Variants in TNP2 observed in about 807,000 individuals in gnomAD.
The protein encoded by TNP2 is transition protein 2.
A neutral mutation model predicts 8.5 loss-of-function variants in TNP2; 10 were observed. The ratio of observed to expected loss-of-function variants is 1.17; its 90% confidence interval spans 0.72 to 1.99. TNP2 has a LOEUF of 1.99. Among genes scored for constraint, TNP2 ranks in the 30% most tolerant of loss-of-function variants. The pLI is 0.00. For missense variants in TNP2, 222 were observed against 181.2 expected, an observed-to-expected ratio of 1.23 and a Z score of -1.29; for synonymous variants, 80 against 62.3, an observed-to-expected ratio of 1.28 and a Z score of -1.34.
Position 11,268,899 on chromosome 16 carries a change from T to C in TNP2, c.364A>G (p.Ile122Val), listed in dbSNP as rs1244174205. 5 of 1,603,520 alleles carry C rather than the reference T, an allele frequency of 3.1e-6. No homozygotes were observed. Among genetic ancestry groups the C allele is most frequent in the Middle Eastern group, 1.7e-4 (1 of 5,980 alleles). Residue 122 changes from isoleucine (I) to valine (V), a missense_variant, in exon 1 of 2, where the codon ATC becomes GTC. Transcript: ENST00000312693. ...KLKKKKMAKR[I>V]QQVYKTKTRS... ...GTCTTGGTTTTGTACACCTGCTGGA[T>C]CCTCTTGGCCATTTTTTTCTTTTTC...
intron 1 of TNP2, 164 bp downstream of exon 1, chr16:11,268,673 AATTTCAAAGAGACTTTCCGTCAATGT>A: frequency 1.7e-6 from 1 of 578,506 alleles, no homozygotes; most frequent in South Asian, 3.2e-5. Context: ...CAACCCATCC[AATTTCAAAGAGACTTTCCGTCAATGT>A]ATCATACATT....
At chr16:11,268,831 C>T (rs915797897) in intron 1 of TNP2, 32 bp downstream of exon 1, 17 of 1,519,924 alleles carry the variant, frequency 1.1e-5, no homozygotes, top group African/African-American at 2.8e-5. Flanking sequence ...TCTGTGGGCT[C>T]GGTGGCCCTT....
intron 1 of TNP2, chr16:11,268,259 T>C (rs974321132): frequency 4.2e-6 from 2 of 477,926 alleles, no homozygotes; most frequent in African/African-American, 3.9e-5. Flanking sequence ...TCAACATTTC[T>C]TTCCCATTCT....
intron 1 of TNP2, chr16:11,268,594 A>G (rs1182884311): frequency 4.5e-6 from 2 of 442,704 alleles, no homozygotes; most frequent in South Asian, 7.1e-5. Context: ...TCATCCACCC[A>G]ACCTCTCAAC....
At position 11,269,084 on chromosome 16, in the gene TNP2, G is replaced by C. The variant is rs2069751013; in HGVS notation, c.179C>G (p.Thr60Ser). 6.2e-7 allele frequency: 1 copy of C among 1,614,014 alleles called. No individual in the cohort carries two copies. The highest frequency in any genetic ancestry group is 8.5e-7 in the Non-Finnish European group (1 of 1,179,892). ...SQSPASHRNP[T>S]GAHSSSGHQS... The stretch of plus-strand genomic sequence containing the variant: ...GTGGCCGGATGAGCTGTGGGCTCCA[G>C]TTGGGTTGCGGTGGCTGGCCGGGCT... Residue 60 changes from threonine to serine, a missense_variant, in exon 1 of 2, where the codon ACT becomes AGT. Physicochemically the swap from Thr to Ser is moderately conservative, Grantham distance 58 (BLOSUM62 1). Transcript: ENST00000312693.
At position 11,269,143 on chromosome 16, in the gene TNP2, G is replaced by A; in HGVS notation, c.120C>T (p.Ser40=). 6.2e-7 allele frequency: 1 copy of A among 1,613,926 alleles called. No homozygotes were observed. ...CQTFSQSCRQ[S]HRGSRSQSSS... is the part of the protein sequence containing the mutation. ...AGCTCTGGCTCCGGCTGCCACGATG[G>A]CTCTGTCTGCAACTCTGGCTGAAGG... Residue 40 remains serine, a synonymous_variant, in exon 1 of 2, where the codon AGC becomes AGT. Coordinates refer to ENST00000312693, the MANE Select transcript of TNP2 (RefSeq NM_005425.5).
chr16:11,269,150 C>G lies in TNP2; in HGVS notation c.113G>C (p.Arg38Thr). 1 of 1,613,940 alleles carries G rather than the reference C, an allele frequency of 6.2e-7. No homozygotes were observed. Among genetic ancestry groups the G allele is most frequent in the South Asian group, 1.1e-5 (1 of 91,084 alleles). The stretch of plus-strand genomic sequence containing the variant: ...GCTCCGGCTGCCACGATGGCTCTGT[C>G]TGCAACTCTGGCTGAAGGTTTGGCA... ...RHCQTFSQSCRQSHRGSRSQS... is the reference protein window; with the variant it reads ...RHCQTFSQSCTQSHRGSRSQS... Residue 38 changes from arginine to threonine, a missense_variant, in exon 1 of 2, where the codon AGA becomes ACA. By Grantham distance (71) the Arg-to-Thr change is moderately conservative. Transcript: ENST00000312693.
intron 1 of TNP2, chr16:11,268,318 C>G: frequency 3.0e-6 from 1 of 331,808 alleles, no homozygotes; most frequent in Non-Finnish European, 5.6e-6. Context: ...TTCAATTACT[C>G]TATATTACTC....
At chr16:11,268,304 T>C in intron 1 of TNP2, 1 of 386,456 alleles carries the variant, frequency 2.6e-6, no homozygotes, top group Non-Finnish European at 4.7e-6. Flanking sequence ...CTTCTCTCTG[T>C]TTATTCAATT....
At position 11,267,904 on chromosome 16, in the gene TNP2, T is replaced by G; in HGVS notation, c.*92A>C. Reference sequence around the variant, plus strand: ...AATTAGTGTTGCGTAGAAATCACCATAGTAACATGTTCCTGCAAGAAGATT... The same window carrying G: ...AATTAGTGTTGCGTAGAAATCACCAGAGTAACATGTTCCTGCAAGAAGATT... On this transcript the variant is annotated 3_prime_UTR_variant, in exon 2 of 2. Transcript: ENST00000312693. The G allele has an allele frequency of 7.2e-7, 1 of 1,379,690 alleles. No individual in the cohort carries two copies. Among genetic ancestry groups the G allele is most frequent in the Non-Finnish European group, 1.0e-6 (1 of 988,426 alleles). 85.5% of individuals were successfully genotyped at this position (1,379,690 alleles called of 1,614,324 possible).
At chr16:11,268,398 A>G in intron 1 of TNP2, 1 of 279,646 alleles carries the variant, frequency 3.6e-6, no homozygotes, top group Non-Finnish European at 6.7e-6. Flanking sequence ...TCTATTTCTA[A>G]CCAATTCATC....
In TNP2 at chr16:11,269,144, C is replaced by T. The variant is rs778850717; in HGVS notation, c.119G>A (p.Ser40Asn). 1.2e-6 allele frequency: 2 copies of T among 1,613,938 alleles called. No homozygotes were observed. The highest frequency in any genetic ancestry group is 1.7e-6 in the Non-Finnish European group (2 of 1,179,902). ...GCTCTGGCTCCGGCTGCCACGATGG[C>T]TCTGTCTGCAACTCTGGCTGAAGGT... ...CQTFSQSCRQ[S>N]HRGSRSQSSS... The change falls in exon 1 of 2, where the codon AGC becomes AAC. Residue 40 changes from serine (S) to asparagine (N), a missense_variant. Physicochemically the swap from Ser to Asn is conservative, Grantham distance 46 (BLOSUM62 1). Transcript: ENST00000312693.
chr16:11,268,717 C>T (rs2069743287), intron 1 of TNP2, 146 bp downstream of exon 1: 1 of 842,094 alleles, frequency 1.2e-6, no homozygotes, highest in Non-Finnish European at 1.7e-6. Context: ...ATTCAGCTAG[C>T]CAACTGCCAT....
rs1211764033 is a variant in TNP2 at position 11,268,919 on chromosome 16, T to C, written c.344A>G (p.Lys115Arg). The part of the protein sequence containing the change: ...NRKNLEGKLK[K>R]KKMAKRIQQV... ...CTGGATCCTCTTGGCCATTTTTTTC[T>C]TTTTCAGCTTGCCTTCCAAGTTCTT... is the stretch of plus-strand genomic sequence containing the variant. Residue 115 changes from lysine to arginine, a missense_variant, in exon 1 of 2, where the codon AAG becomes AGG. Coordinates refer to ENST00000312693, the MANE Select transcript of TNP2 (RefSeq NM_005425.5). 2.5e-6 allele frequency: 4 copies of C among 1,608,232 alleles called. No homozygotes were observed. In the Admixed American group the frequency reaches 5.1e-5, roughly 21 times the overall value.
chr16:11,268,721 C>G, intron 1 of TNP2, 142 bp downstream of exon 1: 2 of 873,820 alleles, frequency 2.3e-6, no homozygotes, highest in Non-Finnish European at 3.3e-6. Flanking sequence ...AGCTAGCCAA[C>G]TGCCATTGTT....
Position 11,267,954 on chromosome 16 carries a change from T to C in TNP2, c.*42A>G. 6.2e-7 allele frequency: 1 copy of C among 1,604,336 alleles called. No homozygotes were observed. Among genetic ancestry groups the C allele is most frequent in the East Asian group, 2.2e-5 (1 of 44,844 alleles). On this transcript the variant is annotated 3_prime_UTR_variant, in exon 2 of 2. Coordinates refer to ENST00000312693, the MANE Select transcript of TNP2 (RefSeq NM_005425.5). ...TGACTTCATCCTAGCATTTTCTCCT[T>C]TGGGTGAAACACGCAGGAACAAGCC...
chr16:11,268,599 C>G, intron 1 of TNP2: 2 of 454,248 alleles, frequency 4.4e-6, no homozygotes, highest in South Asian at 6.3e-5. Context: ...CACCCAACCT[C>G]TCAACTCCAT....
intron 1 of TNP2, chr16:11,268,270 A>T (rs1031660896): frequency 2.2e-6 from 1 of 456,932 alleles, no homozygotes; most frequent in East Asian, 3.8e-5. Context: ...TTCCCATTCT[A>T]TCCCATTAGT....
Position 11,268,971 on chromosome 16 carries a change from G to A in TNP2, c.292C>T (p.Leu98=). ...SHHSPMRPTI[L]HCRCPKNRKN... is the part of the protein sequence containing the mutation. ...CTGTTCTTGGGGCAGCGGCAGTGCA[G>A]GATGGTGGGCCGCATGGGAGAGTGG... The change falls in exon 1 of 2, where the codon CTG becomes TTG. Residue 98 remains leucine, a synonymous_variant. Transcript: ENST00000312693. 1 of 1,613,932 alleles carries A rather than the reference G, an allele frequency of 6.2e-7. No homozygotes were observed.
Sources: gnomAD v4.1 joint callset for allele counts on GRCh38, gnomAD v4.1.1 for gene constraint, MANE v1.5 for transcripts, NCBI Gene and HGNC (gene_info 2026-07-23, HGNC 2026-07-21) for gene names.